ADARB2: variants seen among roughly 807,000 people sequenced by gnomAD.
ADARB2 encodes adenosine deaminase RNA specific B2 (inactive).
In ADARB2, 25 loss-of-function variants were observed where a neutral mutation model predicts 62.2. That is an observed-to-expected ratio of 0.40 (90% CI 0.29 to 0.56). ADARB2 has a LOEUF of 0.56. Ranked by LOEUF, ADARB2 falls within the 20% of genes least tolerant of loss-of-function variation. The pLI is 0.43. For synonymous variants in ADARB2, 572 were observed against 500.8 expected (o/e 1.14, Z -1.90); for missense variants, 1,071 against 1,077.4 (o/e 0.99, Z 0.08).
At chr10:1,204,423 AG>A (rs2131744568) in intron 7 of ADARB2, among the ~76,000 whole-genome samples, 1 of 152,356 alleles carries the variant, frequency 6.6e-6, no homozygotes, top group Admixed American at 6.5e-5. Flanking sequence ...AAATCACCTG[AG>A]TGCGTCTTAA....
chr10:1,569,084 GAGAC>G lies in ADARB2; in HGVS notation c.100+167963_100+167966del, dbSNP rs201250039. ...AAAGAGAGACAGAGACAGACACACA[GAGAC>G]AGACAGAGAGAGACAGGGATATAAA... On this transcript the variant is annotated intron_variant, in intron 1 of 9. Transcript: ENST00000381312. Among the ~76,000 whole-genome samples the G allele has an allele frequency of 4.2e-3, 639 of 151,950 alleles. 1 individual carries two copies. The highest frequency in any genetic ancestry group is 0.014 in the African/African-American group (585 of 41,450).
At chr10:1,404,026 C>T (rs752582208) in intron 1 of ADARB2, among the ~76,000 whole-genome samples, 1 of 152,208 alleles carries the variant, frequency 6.6e-6, no homozygotes, top group Non-Finnish European at 1.5e-5. Flanking sequence ...TCTCAGCAAG[C>T]CAGGGTCAGG....
At chr10:1,635,693 C>T (rs1833910310) in intron 1 of ADARB2, among the ~76,000 whole-genome samples, 1 of 152,206 alleles carries the variant, frequency 6.6e-6, no homozygotes, top group Non-Finnish European at 1.5e-5. Flanking sequence ...CCACATTTCT[C>T]TTAGAGAATT....
intron 3 of ADARB2, among the ~76,000 whole-genome samples, chr10:1,306,385 A>G (rs888429807): frequency 6.6e-6 from 1 of 151,838 alleles, no homozygotes; most frequent in Non-Finnish European, 1.5e-5. Flanking sequence ...GAGAACTACA[A>G]ACCACTGCTC....
At chr10:1,479,851 C>G (rs997408391) in intron 1 of ADARB2, among the ~76,000 whole-genome samples, 5 of 152,198 alleles carry the variant, frequency 3.3e-5, no homozygotes, top group South Asian at 2.1e-4. Flanking sequence ...CTCTCAATAT[C>G]AAGACAAAAC....
intron 1 of ADARB2, chr10:1,676,096 G>A: frequency 2.0e-6 from 2 of 984,882 alleles, no homozygotes; most frequent in Non-Finnish European, 2.4e-6. Context: ...ATCCCTGAAG[G>A]TTTGCAGGCA....
At position 1,670,712 on chromosome 10, in the gene ADARB2, T is replaced by G. The variant is rs577792148; in HGVS notation, c.100+66339A>C. On this transcript the variant is annotated intron_variant, in intron 1 of 9. Coordinates refer to ENST00000381312, the MANE Select transcript of ADARB2 (RefSeq NM_018702.4). ...CCTCGAGGCTCAGAAAGTGTGTGAC[T>G]TAAACACGTCACGGAGGCCGGGCAC... Among the ~76,000 whole-genome samples the G allele has an allele frequency of 8.4e-4, 128 of 152,338 alleles. 1 individual carries two copies. The highest frequency in any genetic ancestry group is 2.9e-3 in the African/African-American group (122 of 41,570).
At chr10:1,597,286 T>C (rs1342825077) in intron 1 of ADARB2, among the ~76,000 whole-genome samples, 1 of 152,202 alleles carries the variant, frequency 6.6e-6, no homozygotes, top group Non-Finnish European at 1.5e-5. Context: ...TAGGTGACTA[T>C]GATTTTTATC....
intron 4 of ADARB2, among the ~76,000 whole-genome samples, chr10:1,244,045 GCCT>G (rs924623193): frequency 9.2e-5 from 14 of 152,236 alleles, no homozygotes; most frequent in African/African-American, 2.9e-4. Context: ...CCAGGTCCAG[GCCT>G]CCTCCTCTCT....
intron 1 of ADARB2, among the ~76,000 whole-genome samples, chr10:1,603,068 AAC>A (rs201546629): frequency 0.016 from 2,405 of 148,270 alleles, 32 homozygotes; most frequent in Admixed American, 0.025. Context: ...ACATACACAC[AAC>A]ACAGACACCT....
At chr10:1,654,032 T>G (rs996588351) in intron 1 of ADARB2, among the ~76,000 whole-genome samples, 15 of 151,632 alleles carry the variant, frequency 9.9e-5, no homozygotes, top group Non-Finnish European at 1.8e-4. Flanking sequence ...TCTGTGGAGG[T>G]AGAGGAGCAG....
intron 1 of ADARB2, among the ~76,000 whole-genome samples, chr10:1,404,319 G>A (rs1832688466): frequency 6.6e-6 from 1 of 152,216 alleles, no homozygotes; most frequent in Non-Finnish European, 1.5e-5. Flanking sequence ...TGGTCTCGCA[G>A]GCCCTACCAC....
rs544417562 is a variant in ADARB2 at position 1,704,903 on chromosome 10, G to C, written c.100+32148C>G. On this transcript the variant is annotated intron_variant, in intron 1 of 9. Coordinates refer to ENST00000381312, the MANE Select transcript of ADARB2 (RefSeq NM_018702.4). This position sits in a 1 kb window ranked among gnomAD's most constrained non-coding sequence, Gnocchi z 5.6. ...GCAGTTTATCATTTGAGCAGGAAAA[G>C]GGTGCAGGGGAGACCATGAGGGCGT... Among the ~76,000 whole-genome samples, 13 of 152,184 alleles carry C rather than the reference G, an allele frequency of 8.5e-5. No individual in the cohort carries two copies. Among genetic ancestry groups the C allele is most frequent in the Admixed American group, 6.5e-4 (10 of 15,298 alleles).
In ADARB2 at chr10:1,255,047, C is replaced by T. The variant is rs1463818483; in HGVS notation, c.1193-12748G>A. ...TACTCATTAATTTCCTTATAAAATGCTCCCAGAGGACATGCCACCCTCACT... is the reference window on the plus strand; with the variant it reads ...TACTCATTAATTTCCTTATAAAATGTTCCCAGAGGACATGCCACCCTCACT... On this transcript the variant is annotated intron_variant, in intron 4 of 9. Transcript: ENST00000381312. This position sits in a 1 kb window ranked among gnomAD's most constrained non-coding sequence, Gnocchi z 4.7. 6.6e-6 allele frequency among the ~76,000 whole-genome samples: 1 copy of T among 152,218 alleles called. No homozygotes were observed. The highest frequency in any genetic ancestry group is 2.4e-5 in the African/African-American group (1 of 41,452).
At chr10:1,345,115 C>T (rs1179344056) in intron 3 of ADARB2, among the ~76,000 whole-genome samples, 19 of 151,946 alleles carry the variant, frequency 1.3e-4, no homozygotes, top group Non-Finnish European at 7.4e-5. Context: ...CAGGAGGGCA[C>T]GTGGAGGAAA....
intron 1 of ADARB2, among the ~76,000 whole-genome samples, chr10:1,579,397 T>A (rs1833064857): frequency 6.6e-6 from 1 of 152,188 alleles, no homozygotes. Context: ...GGAGAAATTA[T>A]AGTATGCACA....
intron 3 of ADARB2, among the ~76,000 whole-genome samples, chr10:1,286,014 C>CCA (rs1371458112): frequency 3.5e-5 from 5 of 143,222 alleles, no homozygotes; most frequent in African/African-American, 1.3e-4. Flanking sequence ...AATCCAGGAC[C>CCA]GTTGCCCCGA....
chr10:1,348,068 A>G (rs1832097491), intron 3 of ADARB2, among the ~76,000 whole-genome samples: 1 of 151,932 alleles, frequency 6.6e-6, no homozygotes, highest in Non-Finnish European at 1.5e-5. Context: ...GACAGAGCGA[A>G]ACAGAGACAG....
Position 1,454,134 on chromosome 10 carries a change from C to T in ADARB2, c.101-74974G>A, listed in dbSNP as rs574232119. ...GAATGAGGAGCAAAGTCACATCTTA[C>T]ATGGCGGCAGGTAGGAGAGCGTGTG... On this transcript the variant is annotated intron_variant, in intron 1 of 9. Transcript: ENST00000381312. 2.0e-5 allele frequency among the ~76,000 whole-genome samples: 3 copies of T among 152,306 alleles called. No individual in the cohort carries two copies. The South Asian group carries it at 6.2e-4, about 32-fold the overall frequency.
Sources: gnomAD v4.1 joint callset for allele counts (sites outside exome capture counted in the v4.1 genomes callset) on GRCh38, gnomAD v4.1.1 for gene constraint, Gnocchi (gnomAD v3.1) non-coding constraint, MANE v1.5 for transcripts, NCBI Gene and HGNC (gene_info 2026-07-23, HGNC 2026-07-21) for gene names.